Variants in ADAM9 observed in about 807,000 individuals in gnomAD.
ADAM9 encodes ADAM metallopeptidase domain 9.
In ADAM9, 54 loss-of-function variants were observed where a neutral mutation model predicts 108.1. The ratio of observed to expected loss-of-function variants is 0.50; its 90% CI spans 0.40 to 0.63. ADAM9 has a LOEUF of 0.63. ADAM9 is among the 20% of genes least tolerant of loss of function. The probability of loss-of-function intolerance (pLI) is 0.00; values close to 1 mark genes in which losing one functional copy is unlikely to be tolerated. For missense variants in ADAM9, 830 were observed against 997.7 expected (o/e 0.83, Z 2.26); for synonymous variants, 316 against 336.0 (o/e 0.94, Z 0.65).
Position 39,103,599 on chromosome 8 carries a change from C to T in ADAM9, c.2367-8C>T, listed in dbSNP as rs1839768156. 6.2e-7 allele frequency: 1 copy of T among 1,613,724 alleles called. No homozygotes were observed. Among genetic ancestry groups the T allele is most frequent in the Non-Finnish European group, 8.5e-7 (1 of 1,179,708 alleles). The stretch of plus-strand genomic sequence containing the variant: ...ACACTCTATTAACTATCTCTTTTCC[C>T]CTCGCAGGCCACCTCCACCACAACC... On this transcript the variant is annotated splice_polypyrimidine_tract_variant and splice_region_variant and intron_variant, in intron 21 of 21. Transcript: ENST00000487273.
chr8:38,999,360 C>A (rs1018544583), intron 1 of ADAM9, among the ~76,000 whole-genome samples: 2 of 149,402 alleles, frequency 1.3e-5, no homozygotes, highest in Admixed American at 6.7e-5. Flanking sequence ...ACAAAGGTAA[C>A]TGTGTCATTG....
intron 14 of ADAM9, among the ~76,000 whole-genome samples, chr8:39,065,534 C>A (rs1195957008): frequency 6.6e-6 from 1 of 151,706 alleles, no homozygotes; most frequent in Non-Finnish European, 1.5e-5. Context: ...GTGGCAGGCG[C>A]CTGTATTCCC....
At chr8:39,033,011 A>T (rs1837147599) in intron 11 of ADAM9, among the ~76,000 whole-genome samples, 1 of 152,244 alleles carries the variant, frequency 6.6e-6, no homozygotes, top group Admixed American at 6.5e-5. Context: ...GTATAGATCA[A>T]GTTGGGGAAC....
At chr8:39,026,579 T>C in intron 10 of ADAM9, 98 bp from the exon 11 acceptor site, 1 of 1,441,292 alleles carries the variant, frequency 6.9e-7, no homozygotes, top group Non-Finnish European at 9.7e-7. Context: ...CTGTCAACAG[T>C]GTAGTGAATA....
intron 14 of ADAM9, among the ~76,000 whole-genome samples, chr8:39,065,018 A>G (rs1403882202): frequency 1.3e-5 from 2 of 152,082 alleles, no homozygotes; most frequent in South Asian, 2.1e-4. Context: ...TCACCGTGCT[A>G]TGTAATTGGT....
intron 11 of ADAM9, among the ~76,000 whole-genome samples, chr8:39,029,211 T>C (rs746959271): frequency 1.3e-5 from 2 of 150,180 alleles, no homozygotes; most frequent in Non-Finnish European, 3.0e-5. Flanking sequence ...GAACTGTTCA[T>C]TACTGGATCT....
chr8:39,076,853 G>A (rs1838863962), intron 15 of ADAM9, among the ~76,000 whole-genome samples: 1 of 152,106 alleles, frequency 6.6e-6, no homozygotes, highest in East Asian at 1.9e-4. Flanking sequence ...AACTCTGTAA[G>A]AAGACATAAT....
chr8:39,028,186 G>A (rs7006535), intron 11 of ADAM9, among the ~76,000 whole-genome samples: 64,563 of 151,980 alleles, frequency 0.42, 14,532 homozygotes, highest in East Asian at 0.73. Context: ...CACTGACAGA[G>A]TAATAAAAAC....
In ADAM9 at chr8:39,073,672, C is replaced by G. The variant is rs183459585; in HGVS notation, c.1697+2269C>G. 1.3e-3 allele frequency among the ~76,000 whole-genome samples: 194 copies of G among 152,214 alleles called. 2 individuals carry two copies. The highest frequency in any genetic ancestry group is 4.0e-3 in the Admixed American group (61 of 15,296). On this transcript the variant is annotated intron_variant, in intron 15 of 21. Coordinates refer to ENST00000487273, the MANE Select transcript of ADAM9 (RefSeq NM_003816.3). ...CCGATTGAATGAACTGATTTAAAAT[C>G]TAGGGATAAGTGGATTAATGCAGAC...
chr8:39,026,195 T>C (rs1365227612), intron 10 of ADAM9, among the ~76,000 whole-genome samples: 1 of 152,182 alleles, frequency 6.6e-6, no homozygotes, highest in Admixed American at 6.5e-5. Flanking sequence ...TATCAACCCG[T>C]CATCTAGGTT....
In ADAM9 at chr8:39,091,349, A is replaced by G. The variant is rs1435884330; in HGVS notation, c.2298+3A>G. Reference sequence around the variant, plus strand: ...CAGTGACACCTCCCAGAGAAGTTGTAAGTATAAAATGAAAAATTATTTTTC... The same window carrying G: ...CAGTGACACCTCCCAGAGAAGTTGTGAGTATAAAATGAAAAATTATTTTTC... On this transcript the variant is annotated splice_donor_region_variant and intron_variant, in intron 20 of 21. Transcript: ENST00000487273. 1 of 1,612,410 alleles carries G rather than the reference A, an allele frequency of 6.2e-7. No individual in the cohort carries two copies. The highest frequency in any genetic ancestry group is 1.7e-5 in the Admixed American group (1 of 60,020).
At chr8:39,099,088 G>A (rs1302898550) in intron 20 of ADAM9, among the ~76,000 whole-genome samples, 1 of 152,162 alleles carries the variant, frequency 6.6e-6, no homozygotes, top group East Asian at 1.9e-4. Context: ...CACCAAGGCA[G>A]TATCACCACG....
intron 2 of ADAM9, among the ~76,000 whole-genome samples, chr8:39,009,847 C>A (rs1836286313): frequency 6.8e-6 from 1 of 146,366 alleles, no homozygotes. Flanking sequence ...AAATTTATGC[C>A]CTTGCATGAA....
chr8:39,017,326 T>C lies in ADAM9; in HGVS notation c.518T>C (p.Leu173Pro). 1 of 1,614,124 alleles carries C rather than the reference T, an allele frequency of 6.2e-7. No homozygotes were observed. Among genetic ancestry groups the C allele is most frequent in the Non-Finnish European group, 8.5e-7 (1 of 1,180,020 alleles). ...ATGGATGATGTCTACAAAGAGCCTCTGAAATGTGGAGTTTCCAACAAGGAT... is the reference window on the plus strand; with the variant it reads ...ATGGATGATGTCTACAAAGAGCCTCCGAAATGTGGAGTTTCCAACAAGGAT... ...YRMDDVYKEP[L>P]KCGVSNKDIE... The change falls in exon 6 of 22, where the codon CTG becomes CCG. Residue 173 changes from leucine (L) to proline (P), a missense_variant. Leu to Pro is a moderately conservative substitution (Grantham distance 98). Around this residue, in one of 3 missense-constraint regions of ADAM9, gnomAD observed 211 missense variants for 222.2 expected, o/e 0.95. Transcript: ENST00000487273.
chr8:39,047,830 A>G (rs1184597113), intron 12 of ADAM9, among the ~76,000 whole-genome samples: 3 of 148,772 alleles, frequency 2.0e-5, no homozygotes, highest in South Asian at 2.1e-4. Flanking sequence ...TTTGGGTTTA[A>G]ATTTTCTGTT....
At chr8:39,017,921 A>G (rs560434883) in intron 6 of ADAM9, among the ~76,000 whole-genome samples, 1 of 152,342 alleles carries the variant, frequency 6.6e-6, no homozygotes, top group East Asian at 1.9e-4. Flanking sequence ...GGTACCTCTT[A>G]GACAACTCAA....
chr8:39,047,395 T>C (rs73602740), intron 12 of ADAM9, among the ~76,000 whole-genome samples: 274 of 152,312 alleles, frequency 1.8e-3, no homozygotes, highest in African/African-American at 6.2e-3. Context: ...TCTTTAAATG[T>C]TTGGTAGATT....
chr8:39,075,474 A>G (rs1838826720), intron 15 of ADAM9, among the ~76,000 whole-genome samples: 1 of 152,132 alleles, frequency 6.6e-6, no homozygotes, highest in African/African-American at 2.4e-5. Context: ...GCCTGAAGCA[A>G]TTATTTTACT....
At chr8:39,005,784 G>T (rs1273461516) in intron 1 of ADAM9, among the ~76,000 whole-genome samples, 1 of 152,194 alleles carries the variant, frequency 6.6e-6, no homozygotes, top group Non-Finnish European at 1.5e-5. Context: ...AGGACTGATA[G>T]GATATGATGG....
Sources: allele counts gnomAD v4.1 joint callset (sites outside exome capture counted in the v4.1 genomes callset), GRCh38; gene constraint gnomAD v4.1.1; regional missense constraint gnomAD v4.1.1; transcripts MANE v1.5; gene names NCBI Gene and HGNC (gene_info 2026-07-23, HGNC 2026-07-21).